CIAPIN1: variants seen among roughly 807,000 people sequenced by gnomAD.
CIAPIN1 encodes the protein cytokine induced apoptosis inhibitor 1, also known as anamorsin.
Under a neutral mutation model 34.3 loss-of-function variants are expected in CIAPIN1, and 18 were observed. The observed-to-expected ratio is 0.52, with a 90% CI of 0.36 to 0.78. The LOEUF (loss-of-function observed/expected upper bound fraction) is 0.78, where lower values mean the gene tolerates loss of function less well. Among genes scored for constraint, CIAPIN1 ranks in the 30% least tolerant of loss-of-function variants. The pLI is 0.00. For synonymous variants in CIAPIN1, 131 were observed against 140.4 expected (o/e 0.93, Z 0.47); for missense variants, 310 against 372.5 (o/e 0.83, Z 1.38).
intron 2 of CIAPIN1, among the ~76,000 whole-genome samples, chr16:57,440,503 C>T (rs190881602): frequency 7.9e-5 from 12 of 152,252 alleles, no homozygotes; most frequent in African/African-American, 1.9e-4. Flanking sequence ...ATGTCTCCCC[C>T]GGACACCCAG....
intron 3 of CIAPIN1, 91 bp from the exon 4 acceptor site, chr16:57,436,823 A>C (rs1903211372): frequency 1.0e-6 from 1 of 985,914 alleles, no homozygotes; most frequent in South Asian, 1.4e-5. Context: ...GCAGGCATTC[A>C]AACAATAATA....
rs72780616 is a variant in CIAPIN1 at position 57,440,756 on chromosome 16, G to A, written c.157+16C>T. 83,859 of 1,603,026 alleles carry A rather than the reference G, an allele frequency of 0.052. 2,568 individuals are homozygous for A. Among genetic ancestry groups the A allele is most frequent in the Middle Eastern group, 0.07 (420 of 5,990 alleles). On this transcript the variant is annotated intron_variant, in intron 2 of 8. Transcript: ENST00000394391. ...ACCCCTCCAGCCTCATAAAGACAAC[G>A]TGGGTGGGTACTTACATTGCAACAG...
chr16:57,440,468 G>A (rs552095057), intron 2 of CIAPIN1, among the ~76,000 whole-genome samples: 1 of 152,182 alleles, frequency 6.6e-6, no homozygotes, highest in South Asian at 2.1e-4. Context: ...GGCTTGAGGG[G>A]CATCACGGAA....
Position 57,428,960 on chromosome 16 carries a change from C to T in CIAPIN1, c.*210G>A, listed in dbSNP as rs1598019640. ...TGAAGAAACCCATCCCATTCTGAAA[C>T]CAGGTCCCATAATACCTTGGTCTTT... On this transcript the variant is annotated 3_prime_UTR_variant, in exon 9 of 9. Transcript: ENST00000394391. 1 of 512,864 alleles carries T rather than the reference C, an allele frequency of 1.9e-6. No homozygotes were observed. The highest frequency in any genetic ancestry group is 3.5e-6 in the Non-Finnish European group (1 of 286,612). The allele number at this position is 512,864 out of a possible 1,614,324, so 31.8% of individuals were successfully genotyped here.
At chr16:57,433,546 T>TGC (rs754501626) in intron 5 of CIAPIN1, 2,416 of 181,486 alleles carry the variant, frequency 0.013, 72 homozygotes, top group African/African-American at 0.056. Flanking sequence ...TGTGTGTGCG[T>TGC]GCGCGTGCGT....
chr16:57,438,045 T>G (rs2146565794), intron 3 of CIAPIN1, among the ~76,000 whole-genome samples: 1 of 152,324 alleles, frequency 6.6e-6, no homozygotes, highest in Admixed American at 6.5e-5. Context: ...CTTTTTTATC[T>G]CTGTATAGTT....
At chr16:57,437,078 G>T (rs1177429534) in intron 3 of CIAPIN1, among the ~76,000 whole-genome samples, 1 of 152,090 alleles carries the variant, frequency 6.6e-6, no homozygotes, top group African/African-American at 2.4e-5. Flanking sequence ...AGTGAGCCGA[G>T]ATTGCACCAC....
intron 5 of CIAPIN1, 37 bp from the exon 6 acceptor site, chr16:57,432,597 A>T: frequency 6.5e-7 from 1 of 1,540,872 alleles, no homozygotes; most frequent in Non-Finnish European, 8.9e-7. Flanking sequence ...CTCCATAAAC[A>T]CAGTCAGAAA....
At position 57,440,805 on chromosome 16, in the gene CIAPIN1, C is replaced by T. The variant is rs775237218; in HGVS notation, c.124G>A (p.Val42Met). The T allele has an allele frequency of 1.2e-5, 20 of 1,613,644 alleles. No homozygotes were observed. The highest frequency in any genetic ancestry group is 1.1e-4 in the East Asian group (5 of 44,884). Residue 42 changes from valine to methionine, a missense_variant, in exon 2 of 9, where the codon GTG (valine) becomes ATG (methionine). Physicochemically the swap from Val to Met is conservative, Grantham distance 21. Coordinates refer to ENST00000394391, the MANE Select transcript of CIAPIN1 (RefSeq NM_020313.4). ...AGCTGCTTGATGTTTTCCACAGACACGCGGCCCTCATTGCCGGTTAACGCT... is the reference window on the plus strand; with the variant it reads ...AGCTGCTTGATGTTTTCCACAGACATGCGGCCCTCATTGCCGGTTAACGCT... ...LQALTGNEGR[V>M]SVENIKQLLQ...
intron 3 of CIAPIN1, among the ~76,000 whole-genome samples, chr16:57,438,242 T>C (rs1012283013): frequency 3.9e-5 from 6 of 152,206 alleles, no homozygotes; most frequent in African/African-American, 1.4e-4. Flanking sequence ...TAGTGAAAAA[T>C]ATTAAAAATC....
intron 4 of CIAPIN1, 28 bp from the exon 5 acceptor site, chr16:57,434,240 G>C (rs781007305): frequency 1.9e-6 from 3 of 1,611,244 alleles, no homozygotes; most frequent in Non-Finnish European, 2.5e-6. Flanking sequence ...AAAAGGATTA[G>C]TTCACCCTCC....
In CIAPIN1 at chr16:57,441,923, G is replaced by A. The variant is rs4783986; in HGVS notation, c.-55-940C>T. On this transcript the variant is annotated intron_variant, in intron 1 of 8. Transcript: ENST00000394391. Reference sequence around the variant, plus strand: ...ATGAAACAAACAATTTGTGGTAGAGGAGTCAAAATGGATTAGTTTTATGTT... The same window carrying A: ...ATGAAACAAACAATTTGTGGTAGAGAAGTCAAAATGGATTAGTTTTATGTT... Among the ~76,000 whole-genome samples, 1,275 of 152,334 alleles carry A rather than the reference G, an allele frequency of 8.4e-3. 36 individuals carry two copies. The highest frequency in any genetic ancestry group is 0.079 in the East Asian group (411 of 5,192).
chr16:57,429,284 G>C lies in CIAPIN1; in HGVS notation c.829-4C>G, dbSNP rs760460370. On this transcript the variant is annotated splice_region_variant and splice_polypyrimidine_tract_variant and intron_variant, in intron 8 of 8. Coordinates refer to ENST00000394391, the MANE Select transcript of CIAPIN1 (RefSeq NM_020313.4). ...GGAAGGCATCGCCCAGGTAGCACTG[G>C]AGAGAGAGAATGGGGAAGCCAAGGG... 3.1e-6 allele frequency: 5 copies of C among 1,603,994 alleles called. No individual in the cohort carries two copies. The highest frequency in any genetic ancestry group is 4.3e-6 in the Non-Finnish European group (5 of 1,170,832).
Position 57,439,260 on chromosome 16 carries a change from C to G in CIAPIN1, c.232G>C (p.Glu78Gln). The G allele has an allele frequency of 6.2e-7, 1 of 1,614,188 alleles. No homozygotes were observed. The highest frequency in any genetic ancestry group is 8.5e-7 in the Non-Finnish European group (1 of 1,180,046). Residue 78 changes from glutamate (E) to glutamine (Q), a missense_variant, in exon 3 of 9, where the codon GAG becomes CAG. Transcript: ENST00000394391. ...ATCCGGGCGATTTCAGCCAAAATCTCAGCACTGTGCAGAGTGGTGCTTCCT... is the reference window on the plus strand; with the variant it reads ...ATCCGGGCGATTTCAGCCAAAATCTGAGCACTGTGCAGAGTGGTGCTTCCT... ...VPGSTTLHSA[E>Q]ILAEIARILR...
At chr16:57,446,945 C>T (rs567274881) in intron 1 of CIAPIN1, among the ~76,000 whole-genome samples, 15 of 152,308 alleles carry the variant, frequency 9.8e-5, no homozygotes, top group Admixed American at 9.1e-4. Flanking sequence ...CCCCAGGGAC[C>T]AAAACGTCAC....
intron 1 of CIAPIN1, among the ~76,000 whole-genome samples, chr16:57,442,249 G>A (rs539087307): frequency 2.0e-5 from 3 of 152,134 alleles, no homozygotes; most frequent in Admixed American, 1.3e-4. Context: ...ACGAGGCTGA[G>A]GAAGGAGAAT....
At chr16:57,431,627 G>A (rs778276335) in intron 6 of CIAPIN1, among the ~76,000 whole-genome samples, 1 of 152,118 alleles carries the variant, frequency 6.6e-6, no homozygotes, top group Non-Finnish European at 1.5e-5. Context: ...TGTTTATGAA[G>A]AGTCACGTGA....
chr16:57,441,612 CT>C (rs2146570843), intron 1 of CIAPIN1, among the ~76,000 whole-genome samples: 1 of 152,310 alleles, frequency 6.6e-6, no homozygotes, highest in South Asian at 2.1e-4. Context: ...ATTTTACAGT[CT>C]GGAAACTGAG....
chr16:57,435,275 T>C (rs554466052), intron 4 of CIAPIN1, among the ~76,000 whole-genome samples: 5 of 152,310 alleles, frequency 3.3e-5, no homozygotes, highest in East Asian at 1.9e-4. Flanking sequence ...TAAAAGTTCA[T>C]TGAGGCCTCC....
Sources: allele counts gnomAD v4.1 joint callset (sites outside exome capture counted in the v4.1 genomes callset), GRCh38; gene constraint gnomAD v4.1.1; transcripts MANE v1.5; gene names NCBI Gene and HGNC (gene_info 2026-07-23, HGNC 2026-07-21).